Variants in SLC16A10 observed in about 807,000 individuals in gnomAD.
The protein encoded by SLC16A10 is solute carrier family 16 member 10.
SLC16A10 carries 27 observed loss-of-function variants against 40.0 expected under a neutral mutation model. That is an observed-to-expected ratio of 0.67 (90% confidence interval 0.50 to 0.93). The LOEUF is 0.93. SLC16A10 is among the 40% of genes least tolerant of loss of function. SLC16A10 has a pLI of 0.00. For synonymous variants in SLC16A10, 213 were observed against 249.8 expected (o/e 0.85, Z 1.39); for missense variants, 529 against 658.2 (o/e 0.80, Z 2.15).
intron 1 of SLC16A10, among the ~76,000 whole-genome samples, chr6:111,172,066 A>G (rs1772595826): frequency 6.6e-6 from 1 of 152,202 alleles, no homozygotes; most frequent in Admixed American, 6.5e-5. Flanking sequence ...TATGTGCCAG[A>G]TACTGAAGTT....
intron 1 of SLC16A10, among the ~76,000 whole-genome samples, chr6:111,160,885 A>G (rs1405680736): frequency 6.6e-6 from 1 of 152,080 alleles, no homozygotes; most frequent in African/African-American, 2.4e-5. Flanking sequence ...AGTGAAGACA[A>G]TATTCAAAGG....
At chr6:111,156,282 C>G (rs996136921) in intron 1 of SLC16A10, among the ~76,000 whole-genome samples, 4 of 152,062 alleles carry the variant, frequency 2.6e-5, no homozygotes, top group African/African-American at 9.7e-5. Context: ...AATTAATTCC[C>G]CACTCCTGTA....
At chr6:111,124,912 A>C (rs1329437560) in intron 1 of SLC16A10, among the ~76,000 whole-genome samples, 1 of 152,148 alleles carries the variant, frequency 6.6e-6, no homozygotes, top group Admixed American at 6.5e-5. Context: ...AGGTCAGTTA[A>C]TTGTACATTT....
At position 111,226,060 on chromosome 6, in the gene SLC16A10, T is replaced by C. The variant is rs1026951462; in HGVS notation, c.*3825T>C. ...TTCGACTTAGTTCTAATGATCTACA[T>C]TGAATTTAAATTACATGACTGAAAT... is the stretch of plus-strand genomic sequence containing the variant. On this transcript the variant is annotated 3_prime_UTR_variant, in exon 6 of 6. Coordinates refer to ENST00000368851, the MANE Select transcript of SLC16A10 (RefSeq NM_018593.5). 13 of 152,158 alleles carry C rather than the reference T, an allele frequency of 8.5e-5. No individual in the cohort carries two copies. Among genetic ancestry groups the C allele is most frequent in the Non-Finnish European group, 1.5e-4 (10 of 68,030 alleles). The allele number at this position is 152,158 out of a possible 1,614,324, so 9.4% of individuals were successfully genotyped here.
chr6:111,130,604 G>A (rs1474012780), intron 1 of SLC16A10, among the ~76,000 whole-genome samples: 1 of 152,098 alleles, frequency 6.6e-6, no homozygotes, highest in Non-Finnish European at 1.5e-5. Context: ...AGCCTCACCA[G>A]GCAGAAGGGC....
chr6:111,210,057 T>G (rs913748522), intron 4 of SLC16A10, among the ~76,000 whole-genome samples: 2 of 152,180 alleles, frequency 1.3e-5, no homozygotes, highest in Non-Finnish European at 2.9e-5. Flanking sequence ...GGAAAATGAT[T>G]GGAAAAGGCA....
chr6:111,178,880 A>C (rs1292707364), intron 3 of SLC16A10, among the ~76,000 whole-genome samples: 1 of 152,228 alleles, frequency 6.6e-6, no homozygotes, highest in Non-Finnish European at 1.5e-5. Context: ...AGTATAGCCG[A>C]ACCAACTTAA....
chr6:111,165,258 C>CA (rs1772450915), intron 1 of SLC16A10, among the ~76,000 whole-genome samples: 1 of 152,154 alleles, frequency 6.6e-6, no homozygotes, highest in African/African-American at 2.4e-5. Flanking sequence ...ATGAGGAAAA[C>CA]AGAGGTTTTT....
chr6:111,178,571 A>G (rs1583346741), intron 3 of SLC16A10: 1 of 331,214 alleles, frequency 3.0e-6, no homozygotes, highest in East Asian at 9.4e-5. Context: ...AAAAAAAAAG[A>G]AGGAAGAAGC....
At chr6:111,181,418 A>T (rs1373310639) in intron 3 of SLC16A10, among the ~76,000 whole-genome samples, 3 of 152,180 alleles carry the variant, frequency 2.0e-5, no homozygotes, top group Non-Finnish European at 4.4e-5. Flanking sequence ...TAAAAATGGG[A>T]GTTATTTTAA....
At chr6:111,131,854 A>G (rs965390762) in intron 1 of SLC16A10, among the ~76,000 whole-genome samples, 4 of 152,108 alleles carry the variant, frequency 2.6e-5, no homozygotes, top group Non-Finnish European at 5.9e-5. Flanking sequence ...GTGCACCCCT[A>G]CCTTTCCTTC....
chr6:111,130,957 G>T (rs1437971410), intron 1 of SLC16A10, among the ~76,000 whole-genome samples: 1 of 152,164 alleles, frequency 6.6e-6, no homozygotes, highest in Non-Finnish European at 1.5e-5. Context: ...GCCATCATAG[G>T]GTAGGTATGA....
At chr6:111,106,377 T>A (rs1771284953) in intron 1 of SLC16A10, among the ~76,000 whole-genome samples, 1 of 152,212 alleles carries the variant, frequency 6.6e-6, no homozygotes, top group Non-Finnish European at 1.5e-5. Context: ...GTAGTTATTT[T>A]TTGTACTTTG....
intron 1 of SLC16A10, among the ~76,000 whole-genome samples, chr6:111,106,795 G>C (rs779223330): frequency 1.3e-5 from 2 of 152,148 alleles, no homozygotes; most frequent in Non-Finnish European, 2.9e-5. Context: ...CTCTGGAAAT[G>C]GTTTATGGAA....
chr6:111,217,168 C>T (rs1188109118), intron 4 of SLC16A10, among the ~76,000 whole-genome samples: 1 of 152,198 alleles, frequency 6.6e-6, no homozygotes, highest in Non-Finnish European at 1.5e-5. Context: ...CCCCGTGGGC[C>T]ATGGTTCCAG....
chr6:111,155,881 A>G (rs1772261595), intron 1 of SLC16A10, among the ~76,000 whole-genome samples: 2 of 152,188 alleles, frequency 1.3e-5, no homozygotes, highest in Admixed American at 6.5e-5. Flanking sequence ...ACCTAGCACC[A>G]TTTATCTTGG....
At chr6:111,092,158 A>G (rs935663228) in intron 1 of SLC16A10, among the ~76,000 whole-genome samples, 9 of 151,874 alleles carry the variant, frequency 5.9e-5, no homozygotes, top group Middle Eastern at 3.2e-3. Flanking sequence ...AAGTAAGCCA[A>G]CTCCAAGTTG....
intron 1 of SLC16A10, among the ~76,000 whole-genome samples, chr6:111,109,562 C>T (rs1470963400): frequency 6.6e-6 from 1 of 151,580 alleles, no homozygotes; most frequent in Non-Finnish European, 1.5e-5. Context: ...TGAGGTGATC[C>T]ACCTGCCTCA....
chr6:111,117,675 C>T (rs1385627350), intron 1 of SLC16A10, among the ~76,000 whole-genome samples: 1 of 152,088 alleles, frequency 6.6e-6, no homozygotes, highest in African/African-American at 2.4e-5. Flanking sequence ...ACCAAAACCC[C>T]ACAGATCCTG....
Sources: gnomAD v4.1 joint callset for allele counts (sites outside exome capture counted in the v4.1 genomes callset) on GRCh38, gnomAD v4.1.1 for gene constraint, MANE v1.5 for transcripts, NCBI Gene and HGNC (gene_info 2026-07-23, HGNC 2026-07-21) for gene names.